Variants in ZDHHC13 observed in about 807,000 individuals in gnomAD.
ZDHHC13 encodes the protein zDHHC palmitoyltransferase 13.
In ZDHHC13, 85 loss-of-function variants were observed where a neutral mutation model predicts 86.0. The observed-to-expected ratio is 0.99, with a 90% CI of 0.83 to 1.18. ZDHHC13 has a LOEUF of 1.18. Ranked by LOEUF, ZDHHC13 falls within the 50% of genes most tolerant of loss-of-function variation. The pLI is 0.00. For synonymous variants in ZDHHC13, 263 were observed against 246.4 expected (o/e 1.07, Z -0.63); for missense variants, 711 against 730.2 (o/e 0.97, Z 0.30).
intron 5 of ZDHHC13, 54 bp from the exon 6 acceptor site, chr11:19,150,669 GAACA>G (rs1849581988): frequency 7.0e-7 from 1 of 1,426,494 alleles, no homozygotes; most frequent in Non-Finnish European, 9.8e-7. Context: ...TCTATTAAGA[GAACA>G]AATAGACTTT....
At position 19,166,564 on chromosome 11, in the gene ZDHHC13, GGTTA is replaced by G. The variant is rs1850076007; in HGVS notation, c.1474+183_1474+186del. 1.2e-5 allele frequency: 6 copies of G among 492,266 alleles called. No homozygotes were observed. The South Asian group carries it at 1.4e-4, about 12-fold the overall frequency. 30.5% of individuals were successfully genotyped at this position (492,266 alleles called of 1,614,324 possible). A position where few individuals can be genotyped will look rare whatever the true frequency, so the allele number is the denominator to read the frequency against. On this transcript the variant is annotated intron_variant, in intron 14 of 16. Transcript: ENST00000446113. ...GGAAGCTGCAAGAAATACAAGATGA[GGTTA>G]GTTCTCAGTACTTTAGGAAAAAAAT...
intron 1 of ZDHHC13, among the ~76,000 whole-genome samples, chr11:19,133,393 A>G (rs1849045394): frequency 4.1e-5 from 1 of 24,492 alleles, no homozygotes; most frequent in Non-Finnish European, 1.5e-4. Context: ...ATATACACAC[A>G]CACACACACA....
intron 10 of ZDHHC13, among the ~76,000 whole-genome samples, chr11:19,159,373 A>G (rs1458255897): frequency 6.6e-6 from 1 of 151,582 alleles, no homozygotes; most frequent in East Asian, 1.9e-4. Flanking sequence ...GTCAGCAGTT[A>G]CAGTTAATTA....
chr11:19,149,218 C>T lies in ZDHHC13; in HGVS notation c.406C>T (p.Leu136Phe), dbSNP rs769807189. 7 of 1,601,036 alleles carry T rather than the reference C, an allele frequency of 4.4e-6. No individual in the cohort carries two copies. The highest frequency in any genetic ancestry group is 4.3e-6 in the Non-Finnish European group (5 of 1,172,244). Residue 136 changes from leucine to phenylalanine, a missense_variant, in exon 5 of 17, where the codon CTC (leucine) becomes TTC (phenylalanine). Leu to Phe is a conservative substitution (Grantham distance 22). Coordinates refer to ENST00000446113, the MANE Select transcript of ZDHHC13 (RefSeq NM_019028.3). ...ACATTTACCTATGGTCATATTATTA[C>T]TCCAGCATGGTGCAGACCCCACTCT... ...QGHLPMVILL[L>F]QHGADPTLID...
chr11:19,150,645 A>G, intron 5 of ZDHHC13, 82 bp from the exon 6 acceptor site: 1 of 1,193,766 alleles, frequency 8.4e-7, no homozygotes. Flanking sequence ...TATTGAATGT[A>G]TTAAAGAGAT....
At chr11:19,124,293 T>C (rs1406236475) in intron 1 of ZDHHC13, among the ~76,000 whole-genome samples, 5 of 152,126 alleles carry the variant, frequency 3.3e-5, no homozygotes, top group Admixed American at 3.3e-4. Flanking sequence ...AGAAAATGAT[T>C]AAAAATGTGG....
At chr11:19,159,761 T>C (rs1362174132) in intron 10 of ZDHHC13, among the ~76,000 whole-genome samples, 2 of 151,962 alleles carry the variant, frequency 1.3e-5, no homozygotes, top group Admixed American at 6.5e-5. Context: ...TAGGGGTGTG[T>C]TGTTCTCTTA....
At chr11:19,175,103 G>A (rs11608112) in intron 16 of ZDHHC13, among the ~76,000 whole-genome samples, 1 of 151,948 alleles carries the variant, frequency 6.6e-6, no homozygotes, top group Non-Finnish European at 1.5e-5. Flanking sequence ...ATAAGGTTTA[G>A]GGAGGCCGGG....
Position 19,149,323 on chromosome 11 carries a change from A to G in ZDHHC13, c.511A>G (p.Lys171Glu). The G allele has an allele frequency of 6.3e-7, 1 of 1,595,936 alleles. No homozygotes were observed. Among genetic ancestry groups the G allele is most frequent in the Non-Finnish European group, 8.6e-7 (1 of 1,169,392 alleles). The change falls in exon 5 of 17, where the codon AAG (lysine) becomes GAG (glutamate). Residue 171 changes from lysine (K) to glutamate (E), a missense_variant. Physicochemically the swap from Lys to Glu is moderately conservative, Grantham distance 56. Coordinates refer to ENST00000446113, the MANE Select transcript of ZDHHC13 (RefSeq NM_019028.3). ...HMPIIAYLIS[K>E]GQSVNMTDVN... ...GCCTATTATAGCATATCTCATCTCA[A>G]AGGGACAGGTATGTTCTGAAATGTG...
intron 9 of ZDHHC13, among the ~76,000 whole-genome samples, chr11:19,156,414 A>T (rs80028467): frequency 0.021 from 3,188 of 152,260 alleles, 111 homozygotes; most frequent in African/African-American, 0.073. Context: ...TTTATACATG[A>T]TTATATATAG....
At chr11:19,127,959 T>A (rs1296317424) in intron 1 of ZDHHC13, among the ~76,000 whole-genome samples, 1 of 152,230 alleles carries the variant, frequency 6.6e-6, no homozygotes, top group Admixed American at 6.5e-5. Context: ...ATATGAATTT[T>A]AAAATAGTTT....
chr11:19,146,929 C>T (rs1166676915), intron 3 of ZDHHC13, among the ~76,000 whole-genome samples: 1 of 152,132 alleles, frequency 6.6e-6, no homozygotes, highest in Non-Finnish European at 1.5e-5. Context: ...TGAATACTCA[C>T]AGGCAAACTC....
intron 14 of ZDHHC13, 146 bp downstream of exon 14, chr11:19,166,531 C>G (rs140354213): frequency 1.8e-6 from 1 of 557,330 alleles, no homozygotes; most frequent in Non-Finnish European, 3.0e-6. Flanking sequence ...AAGACTCCCT[C>G]AGCATTGGGA....
At position 19,148,601 on chromosome 11, in the gene ZDHHC13, A is replaced by C. The variant is rs374845636; in HGVS notation, c.375-586A>C. 3 of 152,134 alleles carry C rather than the reference A, an allele frequency of 2.0e-5. No homozygotes were observed. The East Asian group carries it at 5.8e-4, about 29-fold the overall frequency. 9.4% of individuals were successfully genotyped at this position (152,134 alleles called of 1,614,324 possible). ...ACCATGTCATAAAGAATTATTATTC[A>C]CGTATGGTAATGTGTGAAGGTCAGG... On this transcript the variant is annotated intron_variant, in intron 4 of 16. Coordinates refer to ENST00000446113, the MANE Select transcript of ZDHHC13 (RefSeq NM_019028.3).
At chr11:19,169,382 T>C (rs1590092944) in intron 14 of ZDHHC13, 1 of 985,448 alleles carries the variant, frequency 1.0e-6, no homozygotes, top group East Asian at 1.1e-4. Flanking sequence ...TTCTGGCATA[T>C]ATTCATGAAA....
rs1347922809 is a variant in ZDHHC13, at chr11:19,117,870, G to A, written c.27+594G>A. On this transcript the variant is annotated intron_variant, in intron 1 of 16. Transcript: ENST00000446113. This position sits in a 1 kb window ranked among gnomAD's most constrained non-coding sequence, Gnocchi z 4.2. ...ATCTCAAAGGACAATATTCCGTGGAGGAGGTGTTATATAAAAGCCAGACGG... is the reference window on the plus strand; with the variant it reads ...ATCTCAAAGGACAATATTCCGTGGAAGAGGTGTTATATAAAAGCCAGACGG... The A allele has an allele frequency of 2.6e-5, 4 of 152,354 alleles. No homozygotes were observed. The highest frequency in any genetic ancestry group is 4.4e-5 in the Non-Finnish European group (3 of 68,128). The allele number at this position is 152,354 out of a possible 1,614,324, so 9.4% of individuals were successfully genotyped here.
chr11:19,158,491 A>G (rs1025155059), intron 9 of ZDHHC13, among the ~76,000 whole-genome samples: 1 of 152,190 alleles, frequency 6.6e-6, no homozygotes, highest in Non-Finnish European at 1.5e-5. Context: ...GTGCATCAGT[A>G]TGCTTAACAA....
At chr11:19,164,569 ATC>A (rs1850005045) in intron 12 of ZDHHC13, 2 of 582,250 alleles carry the variant, frequency 3.4e-6, no homozygotes, top group Non-Finnish European at 6.1e-6. Context: ...CTCTGGTTAC[ATC>A]TCTCCGTGAA....
chr11:19,144,451 G>GTGTT (rs1045673926), intron 2 of ZDHHC13, among the ~76,000 whole-genome samples: 3 of 151,750 alleles, frequency 2.0e-5, no homozygotes, highest in African/African-American at 7.3e-5. Flanking sequence ...GTGTGTGTGT[G>GTGTT]TGTGTGTGTG....
Sources: allele counts gnomAD v4.1 joint callset (sites outside exome capture counted in the v4.1 genomes callset), GRCh38; gene constraint gnomAD v4.1.1; non-coding constraint Gnocchi (gnomAD v3.1); transcripts MANE v1.5; gene names NCBI Gene and HGNC (gene_info 2026-07-23, HGNC 2026-07-21).